The following LRMDA variants were observed in gnomAD, a reference collection of about 807,000 sequenced individuals.
LRMDA encodes the protein leucine-rich melanocyte differentiation-associated protein.
LRMDA carries 18 observed loss-of-function variants against 29.8 expected under a neutral mutation model. The ratio of observed to expected loss-of-function variants is 0.60; its 90% CI spans 0.42 to 0.90. The LOEUF (loss-of-function observed/expected upper bound fraction) is 0.90, where lower values mean the gene tolerates loss of function less well. Among genes scored for constraint, LRMDA ranks in the 40% least tolerant of loss-of-function variants. The pLI, the probability that LRMDA is intolerant of heterozygous loss-of-function variation, is 0.00. For missense variants in LRMDA, 273 were observed against 273.9 expected (o/e 1.00, Z 0.02); for synonymous variants, 125 against 109.4 (o/e 1.14, Z -0.89).
intron 2 of LRMDA, among the ~76,000 whole-genome samples, chr10:75,775,250 A>C (rs1843296407): frequency 6.6e-6 from 1 of 152,072 alleles, no homozygotes; most frequent in African/African-American, 2.4e-5. Flanking sequence ...TCCTCTTATA[A>C]ATCTGTTTTT....
intron 2 of LRMDA, among the ~76,000 whole-genome samples, chr10:75,612,628 T>C (rs1841046477): frequency 6.7e-6 from 1 of 148,348 alleles, no homozygotes; most frequent in African/African-American, 2.4e-5. Context: ...TATTTACTTA[T>C]TTTATTTATA....
chr10:75,854,269 T>C (rs1474078594), intron 2 of LRMDA, among the ~76,000 whole-genome samples: 4 of 152,198 alleles, frequency 2.6e-5, no homozygotes, highest in African/African-American at 9.6e-5. Context: ...TCAAGGTTTC[T>C]GGATTTTAGA....
At chr10:75,500,851 C>T (rs76106022) in intron 2 of LRMDA, among the ~76,000 whole-genome samples, 1,682 of 152,272 alleles carry the variant, frequency 0.011, 25 homozygotes, top group African/African-American at 0.033. Context: ...CCAGGTCCCT[C>T]GCTCGATTAC....
At chr10:75,436,471 A>AT (rs879370739) in intron 1 of LRMDA, among the ~76,000 whole-genome samples, 3,709 of 143,674 alleles carry the variant, frequency 0.026, 60 homozygotes, top group African/African-American at 0.053. Flanking sequence ...AAGCTGCTGA[A>AT]TTTTTTTTTT....
chr10:76,513,930 CA>C (rs1358509576), intron 6 of LRMDA, among the ~76,000 whole-genome samples: 1 of 152,160 alleles, frequency 6.6e-6, no homozygotes, highest in African/African-American at 2.4e-5. Context: ...CATAGCTTAT[CA>C]GTATCAGTCT....
chr10:76,058,673 G>T lies in LRMDA; in HGVS notation c.406G>T (p.Val136Phe). The change falls in exon 5 of 7, where the codon GTT (valine) becomes TTT (phenylalanine). Residue 136 changes from valine to phenylalanine, a missense_variant. Coordinates refer to ENST00000611255, the MANE Select transcript of LRMDA (RefSeq NM_001305581.2). ...CTGACTCTTATCTTCCAGATGCTTT[G>T]TTCTGTACAAGCTGCCCAACTTGAA... ...EEDYKRYRCF[V>F]LYKLPNLKFL... 1 of 1,613,284 alleles carries T rather than the reference G, an allele frequency of 6.2e-7. No homozygotes were observed.
chr10:76,538,509 TA>T (rs1843315968), intron 6 of LRMDA, among the ~76,000 whole-genome samples: 1 of 147,838 alleles, frequency 6.8e-6, no homozygotes, highest in Non-Finnish European at 1.5e-5. Flanking sequence ...TGTATATATA[TA>T]TGTATATACA....
intron 2 of LRMDA, among the ~76,000 whole-genome samples, chr10:75,874,529 C>G (rs1349929185): frequency 6.6e-6 from 1 of 152,146 alleles, no homozygotes; most frequent in Non-Finnish European, 1.5e-5. Flanking sequence ...TGATTTTGGT[C>G]CAACATGGAG....
intron 5 of LRMDA, among the ~76,000 whole-genome samples, chr10:76,076,914 T>G (rs182689439): frequency 2.6e-3 from 398 of 152,344 alleles, no homozygotes; most frequent in Admixed American, 6.1e-3. Context: ...CTGATGAAGA[T>G]GATGTTGACT....
At chr10:76,555,072 T>A (rs891217741) in intron 6 of LRMDA, among the ~76,000 whole-genome samples, 3 of 152,110 alleles carry the variant, frequency 2.0e-5, no homozygotes, top group Admixed American at 2.0e-4. Flanking sequence ...TTTATTTGAA[T>A]CAATTATGTT....
intron 6 of LRMDA, among the ~76,000 whole-genome samples, chr10:76,407,893 G>A (rs10509374): frequency 0.041 from 6,239 of 152,250 alleles, 244 homozygotes; most frequent in Admixed American, 0.12. Context: ...AGGGCAGTAT[G>A]TTAAACATAG....
intron 2 of LRMDA, among the ~76,000 whole-genome samples, chr10:75,861,351 T>A (rs1844926610): frequency 6.6e-6 from 1 of 151,996 alleles, no homozygotes. Context: ...TGAAAAAAGG[T>A]GTAAAGTTGG....
rs144045663 is a variant in LRMDA at position 75,815,135 on chromosome 10, G to A, written c.132-220873G>A. 2.3e-4 allele frequency among the ~76,000 whole-genome samples: 35 copies of A among 152,226 alleles called. No individual in the cohort carries two copies. In the East Asian group the frequency reaches 5.2e-3, roughly 23 times the overall value. On this transcript the variant is annotated intron_variant, in intron 2 of 6. Coordinates refer to ENST00000611255, the MANE Select transcript of LRMDA (RefSeq NM_001305581.2). Reference sequence around the variant, plus strand: ...TGGAATCCCTGAACTGAACAACCTGGCATTTTTCATGTTCACTAGACTCAG... The same window carrying A: ...TGGAATCCCTGAACTGAACAACCTGACATTTTTCATGTTCACTAGACTCAG...
chr10:75,672,275 A>G (rs924568324), intron 2 of LRMDA, among the ~76,000 whole-genome samples: 1 of 152,116 alleles, frequency 6.6e-6, no homozygotes, highest in African/African-American at 2.4e-5. Context: ...TGGTCTACCC[A>G]GACAAGCCCG....
At chr10:75,797,700 C>T (rs1181081688) in intron 2 of LRMDA, among the ~76,000 whole-genome samples, 2 of 152,202 alleles carry the variant, frequency 1.3e-5, no homozygotes, top group Non-Finnish European at 2.9e-5. Flanking sequence ...GAGATTCATT[C>T]GTTTTGTGGC....
chr10:75,478,496 T>C lies in LRMDA; in HGVS notation c.131+40002T>C, dbSNP rs928853013. 2.6e-5 allele frequency among the ~76,000 whole-genome samples: 4 copies of C among 152,330 alleles called. No individual in the cohort carries two copies. The South Asian group carries it at 8.3e-4, about 32-fold the overall frequency. ...CCTTGTCCCTGGTCACCTTACTATA[T>C]TTGACTGAATTAAGCTTTCTGTTTC... On this transcript the variant is annotated intron_variant, in intron 2 of 6. Coordinates refer to ENST00000611255, the MANE Select transcript of LRMDA (RefSeq NM_001305581.2).
At chr10:76,542,621 T>C (rs1433204255) in intron 6 of LRMDA, among the ~76,000 whole-genome samples, 1 of 152,226 alleles carries the variant, frequency 6.6e-6, no homozygotes, top group Non-Finnish European at 1.5e-5. Context: ...AATTGCGTTG[T>C]TAATTGATTT....
chr10:75,524,632 G>A (rs1328429306), intron 2 of LRMDA, among the ~76,000 whole-genome samples: 3 of 152,162 alleles, frequency 2.0e-5, no homozygotes, highest in Non-Finnish European at 2.9e-5. Flanking sequence ...TGTGTATATG[G>A]TGTCTTCTTC....
chr10:76,169,630 G>C (rs867757097), intron 5 of LRMDA, among the ~76,000 whole-genome samples: 3 of 152,150 alleles, frequency 2.0e-5, no homozygotes, highest in South Asian at 4.1e-4. Context: ...GTTAATCTCT[G>C]TAATAAGCCC....
Sources: gnomAD v4.1 joint callset for allele counts (sites outside exome capture counted in the v4.1 genomes callset) on GRCh38, gnomAD v4.1.1 for gene constraint, MANE v1.5 for transcripts, NCBI Gene and HGNC (gene_info 2026-07-23, HGNC 2026-07-21) for gene names.